The following ADAM22 variants were observed in gnomAD, a reference collection of about 807,000 sequenced individuals.
The protein encoded by ADAM22 is ADAM metallopeptidase domain 22.
ADAM22 carries 65 observed loss-of-function variants against 144.6 expected under a neutral mutation model. The ratio of observed to expected loss-of-function variants is 0.45; its 90% CI spans 0.37 to 0.55. The LOEUF is 0.55. ADAM22 is among the 20% of genes least tolerant of loss of function. The pLI is 0.00. For synonymous variants in ADAM22, 391 were observed against 412.6 expected (o/e 0.95, Z 0.63); for missense variants, 974 against 1,184.9 (o/e 0.82, Z 2.61).
chr7:88,115,020 A>AGGTGGG (rs1414224940), intron 6 of ADAM22, among the ~76,000 whole-genome samples: 1 of 152,096 alleles, frequency 6.6e-6, no homozygotes, highest in African/African-American at 2.4e-5. Flanking sequence ...TTGGAGGCAG[A>AGGTGGG]GGTGGGCATG....
In ADAM22 at chr7:88,193,250, A is replaced by C. The variant is rs777373434; in HGVS notation, c.2874+11A>C. ...CGACAAAGTGCCAGGGTATGTGGAA[A>C]CCTCTTCCATGTGCGTACATGCTCA... On this transcript the variant is annotated intron_variant, in intron 31 of 31. Coordinates refer to ENST00000413139, the MANE Select transcript of ADAM22 (RefSeq NM_001324418.2). The C allele has an allele frequency of 6.2e-7, 1 of 1,613,120 alleles. No individual in the cohort carries two copies. The highest frequency in any genetic ancestry group is 1.1e-5 in the South Asian group (1 of 90,896).
chr7:88,048,740 A>T (rs1805378884), intron 3 of ADAM22, among the ~76,000 whole-genome samples: 1 of 152,108 alleles, frequency 6.6e-6, no homozygotes, highest in Admixed American at 6.5e-5. Flanking sequence ...AACACAGGAA[A>T]ATATATAATA....
At chr7:88,184,325 C>T in intron 29 of ADAM22, 1 of 437,006 alleles carries the variant, frequency 2.3e-6, no homozygotes. Context: ...CTGGGCACTC[C>T]CTCGCCCAGA....
At chr7:88,001,401 T>C (rs1792518813) in intron 3 of ADAM22, among the ~76,000 whole-genome samples, 1 of 152,218 alleles carries the variant, frequency 6.6e-6, no homozygotes, top group African/African-American at 2.4e-5. Flanking sequence ...ACTTGTAGTA[T>C]CATGTTGGCA....
At chr7:88,109,965 T>C (rs1052464665) in intron 5 of ADAM22, among the ~76,000 whole-genome samples, 7 of 152,052 alleles carry the variant, frequency 4.6e-5, no homozygotes, top group African/African-American at 1.7e-4. Flanking sequence ...CTGGTCAGGA[T>C]CTGGGAATAA....
chr7:87,990,990 T>G (rs1308555478), intron 3 of ADAM22, among the ~76,000 whole-genome samples: 1 of 152,162 alleles, frequency 6.6e-6, no homozygotes, highest in African/African-American at 2.4e-5. Flanking sequence ...AATAATTGAA[T>G]GTAGAATGGA....
At chr7:88,151,436 C>G (rs1838359072) in intron 20 of ADAM22, 116 bp downstream of exon 20, 2 of 1,166,630 alleles carry the variant, frequency 1.7e-6, no homozygotes, top group African/African-American at 1.5e-5. Context: ...ATTCTCAAAG[C>G]TACCACAGGT....
chr7:88,113,435 G>A (rs1826595299), intron 5 of ADAM22, among the ~76,000 whole-genome samples: 1 of 150,480 alleles, frequency 6.6e-6, no homozygotes, highest in South Asian at 2.1e-4. Flanking sequence ...AAAAATTATT[G>A]TAACATAGTA....
intron 14 of ADAM22, among the ~76,000 whole-genome samples, chr7:88,136,633 C>T (rs746584816): frequency 6.6e-6 from 1 of 151,848 alleles, no homozygotes; most frequent in Non-Finnish European, 1.5e-5. Flanking sequence ...TTATTCCAAG[C>T]TTATCATTAC....
At chr7:88,153,102 T>G in intron 20 of ADAM22, 119 bp from the exon 21 acceptor site, 2 of 603,638 alleles carry the variant, frequency 3.3e-6, no homozygotes, top group Non-Finnish European at 5.8e-6. Flanking sequence ...GTAACATTTT[T>G]GGAATTGATA....
chr7:88,046,005 C>T lies in ADAM22; in HGVS notation c.324-29621C>T, dbSNP rs779717238. Among the ~76,000 whole-genome samples the T allele has an allele frequency of 3.3e-5, 5 of 149,440 alleles. No homozygotes were observed. In the East Asian group the frequency reaches 6.1e-4, roughly 18 times the overall value. On this transcript the variant is annotated intron_variant, in intron 3 of 31. Transcript: ENST00000413139. ...GTTTGACCCCATATCTTAGGTATTG[C>T]GAATAGTGCTGTAATAAACATGGGA...
chr7:87,982,700 A>ATATATATATATATATATATT (rs1853955774), intron 3 of ADAM22, among the ~76,000 whole-genome samples: 3 of 56,078 alleles, frequency 5.3e-5, no homozygotes, highest in African/African-American at 8.3e-5. Flanking sequence ...TATATATATA[A>ATATATATATATATATATATT]TTTTTTTTTT....
chr7:88,163,976 T>C (rs917066512), intron 23 of ADAM22, among the ~76,000 whole-genome samples: 1 of 152,122 alleles, frequency 6.6e-6, no homozygotes, highest in African/African-American at 2.4e-5. Context: ...TGTTTTGGAA[T>C]TGTAAGCCTT....
intron 3 of ADAM22, among the ~76,000 whole-genome samples, chr7:88,012,082 G>T (rs1795573850): frequency 6.8e-6 from 1 of 147,188 alleles, no homozygotes. Context: ...AAGTTTTTGT[G>T]GACATAGCTT....
At chr7:88,044,703 C>G (rs1804093510) in intron 3 of ADAM22, among the ~76,000 whole-genome samples, 1 of 151,218 alleles carries the variant, frequency 6.6e-6, no homozygotes, top group African/African-American at 2.4e-5. Context: ...GCCTCGGTCT[C>G]CCAAAGTGCT....
At chr7:88,135,890 T>C (rs1347540304) in intron 13 of ADAM22, 90 bp from the exon 14 acceptor site, 2 of 1,145,700 alleles carry the variant, frequency 1.7e-6, no homozygotes, top group Non-Finnish European at 2.4e-6. Flanking sequence ...TTTTAAGGAA[T>C]AAAGTGGAGA....
intron 2 of ADAM22, among the ~76,000 whole-genome samples, chr7:87,965,181 C>G (rs1848775543): frequency 6.6e-6 from 1 of 152,132 alleles, no homozygotes; most frequent in Admixed American, 6.5e-5. Context: ...ATAAAGGAAG[C>G]CTTTGGTTAA....
At chr7:88,113,703 A>AATAAATATGTATATAT (rs1554478726) in intron 5 of ADAM22, among the ~76,000 whole-genome samples, 1 of 48,106 alleles carries the variant, frequency 2.1e-5, no homozygotes, top group Non-Finnish European at 3.8e-5. Flanking sequence ...TAAATAAATA[A>AATAAATATGTATATAT]ATATATATAT....
At chr7:88,029,632 G>C (rs1216617141) in intron 3 of ADAM22, among the ~76,000 whole-genome samples, 1 of 151,882 alleles carries the variant, frequency 6.6e-6, no homozygotes, top group East Asian at 1.9e-4. Context: ...GAATAACTTT[G>C]TTTAGTGTTT....
Sources: allele counts gnomAD v4.1 joint callset (sites outside exome capture counted in the v4.1 genomes callset), GRCh38; gene constraint gnomAD v4.1.1; transcripts MANE v1.5; gene names NCBI Gene and HGNC (gene_info 2026-07-23, HGNC 2026-07-21).